Variants in KIF2A observed in about 807,000 individuals in gnomAD.
The protein encoded by KIF2A is kinesin family member 2A, also known as kinesin-like protein KIF2A.
In KIF2A, 22 loss-of-function variants were observed where a neutral mutation model predicts 100.2. The ratio of observed to expected loss-of-function variants is 0.22; its 90% CI spans 0.16 to 0.31. The LOEUF (loss-of-function observed/expected upper bound fraction) is 0.31, where lower values mean the gene tolerates loss of function less well. Ranked by LOEUF, KIF2A falls within the 10% of genes least tolerant of loss-of-function variation. KIF2A has a pLI of 1.00. For missense variants in KIF2A, 495 were observed against 898.7 expected (o/e 0.55, Z 5.74); for synonymous variants, 268 against 285.9 (o/e 0.94, Z 0.63).
chr5:62,322,488 T>C (rs75817545), intron 1 of KIF2A, among the ~76,000 whole-genome samples: 7,434 of 152,316 alleles, frequency 0.049, 578 homozygotes, highest in African/African-American at 0.17. Flanking sequence ...ACTACTTATG[T>C]AGGCCTTTCC....
intron 1 of KIF2A, among the ~76,000 whole-genome samples, chr5:62,345,423 T>G (rs1354626676): frequency 6.7e-6 from 1 of 149,826 alleles, no homozygotes; most frequent in Non-Finnish European, 1.5e-5. Context: ...GGTGCATGCC[T>G]GTAATCCCAG....
chr5:62,357,659 A>C, intron 7 of KIF2A, 32 bp from the exon 8 acceptor site: 1 of 1,196,784 alleles, frequency 8.4e-7, no homozygotes, highest in Non-Finnish European at 1.2e-6. Flanking sequence ...TGACACTAAT[A>C]ATCACTGAAA....
At chr5:62,322,649 C>A (rs1037524925) in intron 1 of KIF2A, among the ~76,000 whole-genome samples, 3 of 152,106 alleles carry the variant, frequency 2.0e-5, no homozygotes, top group Non-Finnish European at 2.9e-5. Flanking sequence ...TACCTTGCAA[C>A]TCTAGTCTCA....
intron 1 of KIF2A, among the ~76,000 whole-genome samples, chr5:62,335,680 C>G (rs961410102): frequency 6.6e-6 from 1 of 152,106 alleles, no homozygotes; most frequent in African/African-American, 2.4e-5. Context: ...CTCCTCACCA[C>G]CTTTTCACCT....
chr5:62,359,223 A>G (rs1279995914), intron 9 of KIF2A, among the ~76,000 whole-genome samples: 2 of 152,172 alleles, frequency 1.3e-5, no homozygotes. Flanking sequence ...GTTTGCAAAC[A>G]TTCATTTCTA....
chr5:62,362,043 A>G (rs1748440413), intron 11 of KIF2A, among the ~76,000 whole-genome samples: 1 of 151,822 alleles, frequency 6.6e-6, no homozygotes, highest in African/African-American at 2.4e-5. Flanking sequence ...AAAAAAAAAA[A>G]AAGAACTGTA....
intron 1 of KIF2A, chr5:62,306,938 G>T (rs1453681008): frequency 5.3e-5 from 9 of 170,006 alleles, no homozygotes; most frequent in African/African-American, 2.1e-4. Context: ...GCATTTTACC[G>T]GCTTGGCCTC....
chr5:62,363,382 CAA>C, intron 13 of KIF2A, 62 bp downstream of exon 13: 1 of 1,439,778 alleles, frequency 6.9e-7, no homozygotes, highest in Non-Finnish European at 9.5e-7. Flanking sequence ...TACAGTATAA[CAA>C]AATGAGGATG....
At chr5:62,376,667 C>T (rs1186456140) in intron 18 of KIF2A, among the ~76,000 whole-genome samples, 5 of 151,976 alleles carry the variant, frequency 3.3e-5, no homozygotes, top group African/African-American at 7.2e-5. Context: ...GTGATCCGCC[C>T]GCCTCAGCCT....
At chr5:62,324,433 G>A (rs1746259832) in intron 1 of KIF2A, among the ~76,000 whole-genome samples, 2 of 152,086 alleles carry the variant, frequency 1.3e-5, no homozygotes, top group African/African-American at 4.8e-5. Flanking sequence ...AAAACCAGAG[G>A]TATTATACTA....
chr5:62,372,523 T>A lies in KIF2A; in HGVS notation c.1732T>A (p.Tyr578Asn), dbSNP rs761049749. The A allele has an allele frequency of 3.1e-6, 5 of 1,609,072 alleles. No individual in the cohort carries two copies. Among genetic ancestry groups the A allele is most frequent in the Non-Finnish European group, 8.5e-7 (1 of 1,175,808 alleles). Residue 578 changes from tyrosine to asparagine, a missense_variant, in exon 17 of 21, where the codon TAT (tyrosine) becomes AAT (asparagine). Physicochemically the swap from Tyr to Asn is moderately radical, Grantham distance 143 (BLOSUM62 -2). This residue lies in a region of KIF2A where 100 missense variants were observed against 138.2 expected (regional missense o/e 0.72). Transcript: ENST00000407818. ...SRPDLSPSYE[Y>N]DDFSPSVTRV... is the part of the protein sequence containing the mutation. The stretch of plus-strand genomic sequence containing the variant: ...CCCTGATCTCTCTCCTTCTTATGAA[T>A]ATGACGACTTTTCTCCTTCAGTTAC...
At chr5:62,359,353 G>A (rs965837045) in intron 9 of KIF2A, among the ~76,000 whole-genome samples, 1 of 151,674 alleles carries the variant, frequency 6.6e-6, no homozygotes, top group Non-Finnish European at 1.5e-5. Context: ...GCCTAGAAAG[G>A]AAAAAATTAG....
At chr5:62,311,593 T>C (rs890678386) in intron 1 of KIF2A, among the ~76,000 whole-genome samples, 1 of 152,226 alleles carries the variant, frequency 6.6e-6, no homozygotes, top group African/African-American at 2.4e-5. Context: ...TGCCACATTT[T>C]TCTTCTGCTA....
intron 1 of KIF2A, among the ~76,000 whole-genome samples, chr5:62,328,068 G>T (rs1034483618): frequency 6.6e-6 from 1 of 152,174 alleles, no homozygotes; most frequent in African/African-American, 2.4e-5. Context: ...ACCTGGGAAA[G>T]ACAGTTCTTC....
In KIF2A at chr5:62,344,334, G is replaced by A. The variant is rs117899954; in HGVS notation, c.65-2796G>A. Among the ~76,000 whole-genome samples the A allele has an allele frequency of 2.3e-3, 338 of 146,474 alleles. 5 individuals are homozygous for A. The highest frequency in any genetic ancestry group is 0.02 in the East Asian group (100 of 4,898). On this transcript the variant is annotated intron_variant, in intron 1 of 20. Coordinates refer to ENST00000407818, the MANE Select transcript of KIF2A (RefSeq NM_001098511.3). Reference sequence around the variant, plus strand: ...CTGCAGTCCAACCTGGTGACAGAGCGCGACTCCATCTCAAAAAAAAAAAAA... The same window carrying A: ...CTGCAGTCCAACCTGGTGACAGAGCACGACTCCATCTCAAAAAAAAAAAAA...
chr5:62,332,993 A>G (rs540794067), intron 1 of KIF2A, among the ~76,000 whole-genome samples: 71 of 152,340 alleles, frequency 4.7e-4, no homozygotes, highest in African/African-American at 1.6e-3. Flanking sequence ...AATGGCTCAT[A>G]CTGAATATGA....
In KIF2A at chr5:62,389,043, A is replaced by G; in HGVS notation, c.*3474A>G. ...AATGAATACCTTCTGCGTTGAATCC[A>G]TGTAGCAATCTGAAAAAAGAAATCA... On this transcript the variant is annotated 3_prime_UTR_variant, in exon 21 of 21. Coordinates refer to ENST00000407818, the MANE Select transcript of KIF2A (RefSeq NM_001098511.3). 6.2e-7 allele frequency: 1 copy of G among 1,606,000 alleles called. No individual in the cohort carries two copies. Among genetic ancestry groups the G allele is most frequent in the Non-Finnish European group, 8.5e-7 (1 of 1,177,054 alleles).
At chr5:62,338,546 TC>T (rs1747101615) in intron 1 of KIF2A, among the ~76,000 whole-genome samples, 1 of 152,124 alleles carries the variant, frequency 6.6e-6, no homozygotes, top group Non-Finnish European at 1.5e-5. Flanking sequence ...CACCTCAGCC[TC>T]CCACAGTGCT....
intron 14 of KIF2A, among the ~76,000 whole-genome samples, chr5:62,364,283 G>A (rs956292739): frequency 7.2e-5 from 11 of 152,064 alleles, no homozygotes; most frequent in African/African-American, 2.7e-4. Flanking sequence ...CAGGAGCTGG[G>A]ATTACAGGCA....
Sources: gnomAD v4.1 joint callset for allele counts (sites outside exome capture counted in the v4.1 genomes callset) on GRCh38, gnomAD v4.1.1 for gene constraint, gnomAD v4.1.1 regional missense constraint, MANE v1.5 for transcripts, NCBI Gene and HGNC (gene_info 2026-07-23, HGNC 2026-07-21) for gene names.